The following DDX19B variants were observed in gnomAD, a reference collection of about 807,000 sequenced individuals.
The protein encoded by DDX19B is DEAD-box helicase 19B, also known as ATP-dependent RNA helicase DDX19B.
Under a neutral mutation model 58.1 loss-of-function variants are expected in DDX19B, and 27 were observed. That is an observed-to-expected ratio of 0.46 (90% CI 0.34 to 0.64). DDX19B has a LOEUF of 0.64. DDX19B is among the 30% of genes least tolerant of loss of function. The pLI, the probability that DDX19B is intolerant of heterozygous loss-of-function variation, is 0.01. For missense variants in DDX19B, 399 were observed against 596.5 expected (o/e 0.67, Z 3.45); for synonymous variants, 187 against 214.4 (o/e 0.87, Z 1.12).
Position 70,333,605 on chromosome 16 carries a change from C to T in DDX19B, c.*23C>T. Reference sequence around the variant, plus strand: ...TGAGAAGCTCCACCAGCCACTGATGCCAGCCCTGGCACTGCCCCTGCACAG... The same window carrying T: ...TGAGAAGCTCCACCAGCCACTGATGTCAGCCCTGGCACTGCCCCTGCACAG... On this transcript the variant is annotated 3_prime_UTR_variant, in exon 12 of 12. Transcript: ENST00000288071. 1 of 1,613,974 alleles carries T rather than the reference C, an allele frequency of 6.2e-7. No homozygotes were observed. The highest frequency in any genetic ancestry group is 8.5e-7 in the Non-Finnish European group (1 of 1,179,832).
upstream of DDX19B, among the ~76,000 whole-genome samples, chr16:70,292,806 C>CCGCA (rs533795429): frequency 1.3e-4 from 20 of 151,104 alleles, no homozygotes; most frequent in Non-Finnish European, 3.0e-4. Context: ...CCAGCCTGGG[C>CCGCA]CGCAGAGTGA....
intron 5 of DDX19B, among the ~76,000 whole-genome samples, chr16:70,322,258 A>G (rs1597489583): frequency 6.6e-6 from 1 of 152,112 alleles, no homozygotes; most frequent in East Asian, 1.9e-4. Context: ...ATGTTTTGAC[A>G]GGGAATCTAG....
chr16:70,293,577 A>G (rs911217258), upstream of DDX19B, among the ~76,000 whole-genome samples: 4 of 147,838 alleles, frequency 2.7e-5, no homozygotes, highest in South Asian at 8.4e-4. Context: ...TTTGGTACTA[A>G]GTCAAATGGG....
At chr16:70,309,394 C>T (rs1018673872) in intron 1 of DDX19B, among the ~76,000 whole-genome samples, 2 of 152,088 alleles carry the variant, frequency 1.3e-5, no homozygotes, top group Non-Finnish European at 2.9e-5. Context: ...ACTCCGGAGG[C>T]TGAGGCAGGA....
chr16:70,322,522 G>T (rs1962893754), intron 5 of DDX19B, among the ~76,000 whole-genome samples: 1 of 150,944 alleles, frequency 6.6e-6, no homozygotes, highest in Non-Finnish European at 1.5e-5. Flanking sequence ...CCGCATAGTG[G>T]CGGTTGCAGT....
chr16:70,300,781 C>T (rs1384557579), intron 1 of DDX19B, among the ~76,000 whole-genome samples: 11 of 152,238 alleles, frequency 7.2e-5, no homozygotes, highest in South Asian at 2.1e-4. Flanking sequence ...CCTCCCACCT[C>T]GGCCTCCCAA....
intron 7 of DDX19B, 60 bp downstream of exon 7, chr16:70,325,748 C>A: frequency 8.2e-7 from 1 of 1,220,240 alleles, no homozygotes; most frequent in Non-Finnish European, 1.2e-6. Flanking sequence ...TGAAATATTT[C>A]AAAACCCACC....
chr16:70,324,554 T>G, intron 5 of DDX19B, 31 bp from the exon 6 acceptor site: 2 of 1,590,552 alleles, frequency 1.3e-6, no homozygotes, highest in Non-Finnish European at 1.7e-6. Context: ...GGTTGAGATT[T>G]AAGCTCCTAA....
intron 5 of DDX19B, among the ~76,000 whole-genome samples, chr16:70,319,239 TAA>T (rs1161101046): frequency 2.0e-5 from 3 of 152,216 alleles, no homozygotes; most frequent in African/African-American, 7.2e-5. Context: ...TATTGATATA[TAA>T]AAGCTATTGT....
chr16:70,304,719 GTTTTC>G (rs1267807021), intron 1 of DDX19B, among the ~76,000 whole-genome samples: 1 of 151,312 alleles, frequency 6.6e-6, no homozygotes, highest in Non-Finnish European at 1.5e-5. Context: ...AAGTCCTTTG[GTTTTC>G]TTTTTTCTTC....
At chr16:70,301,719 G>C (rs1262718331) in intron 1 of DDX19B, among the ~76,000 whole-genome samples, 4 of 137,110 alleles carry the variant, frequency 2.9e-5, no homozygotes, top group Non-Finnish European at 6.1e-5. Flanking sequence ...TTTTAAGACA[G>C]TGTCTGTCTA....
At chr16:70,316,696 T>C (rs575975084) in intron 4 of DDX19B, among the ~76,000 whole-genome samples, 24 of 152,308 alleles carry the variant, frequency 1.6e-4, no homozygotes, top group African/African-American at 5.8e-4. Context: ...GGATATTTAG[T>C]AAAATTTCCA....
In DDX19B at chr16:70,326,887, A is replaced by T. The variant is rs143118175; in HGVS notation, c.607+1199A>T. ...TCTCGCCCTGTCGCCCAGGCTGGAG[A>T]GCAGTGGCACAGTCTTGGCTCACTG... On this transcript the variant is annotated intron_variant, in intron 7 of 11. Coordinates refer to ENST00000288071, the MANE Select transcript of DDX19B (RefSeq NM_007242.7). Among the ~76,000 whole-genome samples the T allele has an allele frequency of 5.6e-3, 803 of 143,284 alleles. 4 individuals are homozygous for T. Among genetic ancestry groups the T allele is most frequent in the Middle Eastern group, 0.017 (4 of 236 alleles). The allele number at this position is 143,284 out of a possible 152,430, so 94.0% of individuals were successfully genotyped here.
chr16:70,307,675 A>ATGTGTG (rs35186561), intron 1 of DDX19B, among the ~76,000 whole-genome samples: 2 of 149,324 alleles, frequency 1.3e-5, no homozygotes, highest in African/African-American at 2.5e-5. Context: ...ATGTATATAT[A>ATGTGTG]TGTGTGTGTG....
At chr16:70,317,377 C>T (rs1417023407) in intron 4 of DDX19B, 119 bp from the exon 5 acceptor site, 1 of 713,106 alleles carries the variant, frequency 1.4e-6, no homozygotes, top group African/African-American at 1.8e-5. Context: ...CGAGACTCTG[C>T]TCAAAAACAA....
At chr16:70,315,321 A>G (rs1312731486) in intron 3 of DDX19B, among the ~76,000 whole-genome samples, 2 of 149,640 alleles carry the variant, frequency 1.3e-5, no homozygotes, top group African/African-American at 2.5e-5. Context: ...CGGGAAGCAG[A>G]GCTTGCCATG....
intron 1 of DDX19B, among the ~76,000 whole-genome samples, chr16:70,311,030 CAAA>C (rs59944573): frequency 2.8e-5 from 3 of 108,676 alleles, no homozygotes; most frequent in Non-Finnish European, 1.9e-5. Flanking sequence ...GACTCTGTCT[CAAA>C]AAAAAAAAAA....
At chr16:70,320,738 T>C (rs1962738762) in intron 5 of DDX19B, among the ~76,000 whole-genome samples, 1 of 151,300 alleles carries the variant, frequency 6.6e-6, no homozygotes, top group South Asian at 2.1e-4. Flanking sequence ...TTTGTATTTT[T>C]AGTAGAGATG....
chr16:70,305,070 T>C (rs575838778), intron 1 of DDX19B, among the ~76,000 whole-genome samples: 3 of 152,316 alleles, frequency 2.0e-5, no homozygotes, highest in African/African-American at 7.2e-5. Context: ...TGGCCACTCA[T>C]ATTTAAGAGT....
Sources: allele counts gnomAD v4.1 joint callset (sites outside exome capture counted in the v4.1 genomes callset), GRCh38; gene constraint gnomAD v4.1.1; transcripts MANE v1.5; gene names NCBI Gene and HGNC (gene_info 2026-07-23, HGNC 2026-07-21).